Variants in ICA1L observed in about 807,000 individuals in gnomAD.
ICA1L encodes the protein islet cell autoantigen 1 like, also known as islet cell autoantigen 1-like protein.
A neutral mutation model predicts 61.3 loss-of-function variants in ICA1L; 50 were observed. The ratio of observed to expected loss-of-function variants is 0.82; its 90% confidence interval spans 0.65 to 1.03. ICA1L has a LOEUF of 1.03. Ranked by LOEUF, ICA1L falls within the 50% of genes least tolerant of loss-of-function variation. The pLI is 0.00. For synonymous variants in ICA1L, 161 were observed against 191.3 expected (o/e 0.84, Z 1.31); for missense variants, 508 against 556.7 (o/e 0.91, Z 0.88).
In ICA1L at chr2:202,819,772, G is replaced by C; in HGVS notation, c.487C>G (p.Leu163Val). ...EQARTEYRGALLWMKDVSQEL... is the reference protein window; with the variant it reads ...EQARTEYRGAVLWMKDVSQEL... ...TGGGATACATCTTTCATCCACAGTA[G>C]AGCTCCTCTGTATTCTGTGCGTGCC... is the stretch of plus-strand genomic sequence containing the variant. The change falls in exon 5 of 13, where the codon CTA becomes GTA. Residue 163 changes from leucine (L) to valine (V), a missense_variant. Leu to Val is a conservative substitution (Grantham distance 32). Coordinates refer to ENST00000358299, the MANE Select transcript of ICA1L (RefSeq NM_001288622.3). 5 of 1,614,032 alleles carry C rather than the reference G, an allele frequency of 3.1e-6. No individual in the cohort carries two copies. The highest frequency in any genetic ancestry group is 1.1e-5 in the South Asian group (1 of 91,070).
intron 3 of ICA1L, among the ~76,000 whole-genome samples, chr2:202,823,577 A>T (rs72932776): frequency 0.091 from 13,890 of 152,068 alleles, 755 homozygotes; most frequent in Non-Finnish European, 0.12. Context: ...TCTGACCCCA[A>T]ATTTCCTTTG....
intron 1 of ICA1L, among the ~76,000 whole-genome samples, chr2:202,833,136 G>A (rs530842197): frequency 9.2e-5 from 14 of 152,012 alleles, no homozygotes; most frequent in African/African-American, 3.4e-4. Context: ...GAGAAAAATG[G>A]CATATTACAC....
At chr2:202,797,696 A>G (rs553053121) in intron 9 of ICA1L, among the ~76,000 whole-genome samples, 18 of 151,916 alleles carry the variant, frequency 1.2e-4, no homozygotes, top group Non-Finnish European at 2.5e-4. Context: ...TAATTTTTAT[A>G]TTTTCAGTAG....
chr2:202,786,940 G>A (rs914775898), intron 11 of ICA1L, among the ~76,000 whole-genome samples: 2 of 152,230 alleles, frequency 1.3e-5, no homozygotes, highest in Non-Finnish European at 2.9e-5. Context: ...TTAAGGCACA[G>A]CACTAGAAAG....
At chr2:202,801,891 A>G (rs796943392) in intron 9 of ICA1L, among the ~76,000 whole-genome samples, 19 of 152,336 alleles carry the variant, frequency 1.2e-4, no homozygotes, top group African/African-American at 4.3e-4. Flanking sequence ...AAGCAGTATG[A>G]ATTTTCTTTT....
chr2:202,811,693 T>G, intron 9 of ICA1L, 53 bp downstream of exon 9: 1 of 868,492 alleles, frequency 1.2e-6, no homozygotes, highest in Non-Finnish European at 1.9e-6. Flanking sequence ...TGTGATAAAC[T>G]ATTTTGACAT....
At chr2:202,826,217 A>C (rs533287430) in intron 2 of ICA1L, among the ~76,000 whole-genome samples, 9 of 152,264 alleles carry the variant, frequency 5.9e-5, no homozygotes, top group African/African-American at 2.2e-4. Context: ...AAAATTAAAT[A>C]ATGTATTATA....
At chr2:202,813,242 A>G (rs569588832) in intron 8 of ICA1L, among the ~76,000 whole-genome samples, 5 of 150,506 alleles carry the variant, frequency 3.3e-5, no homozygotes, top group African/African-American at 9.7e-5. Flanking sequence ...CCTGGAGAAA[A>G]AGAGTGAGAC....
At chr2:202,785,869 C>A in intron 12 of ICA1L, 49 bp downstream of exon 12, 1 of 1,034,614 alleles carries the variant, frequency 9.7e-7, no homozygotes, top group Non-Finnish European at 1.5e-6. Flanking sequence ...TATCTGAATT[C>A]AACTGATTCT....
At chr2:202,779,703 T>G in intron 12 of ICA1L, 55 bp from the exon 13 acceptor site, 1 of 1,025,462 alleles carries the variant, frequency 9.8e-7, no homozygotes, top group Non-Finnish European at 1.5e-6. Context: ...AATCATGTTT[T>G]TGTACCATAT....
intron 4 of ICA1L, among the ~76,000 whole-genome samples, chr2:202,820,646 A>C (rs1475460406): frequency 6.6e-6 from 1 of 152,222 alleles, no homozygotes; most frequent in African/African-American, 2.4e-5. Context: ...TGAGGACAAG[A>C]TAACAAGTAT....
At chr2:202,866,933 C>T (rs1467429228) in intron 1 of ICA1L, among the ~76,000 whole-genome samples, 4 of 151,868 alleles carry the variant, frequency 2.6e-5, no homozygotes, top group South Asian at 4.2e-4. Flanking sequence ...GGCGAGAGCA[C>T]GAGACTCCAT....
rs1318202417 is a variant in ICA1L at position 202,777,003 on chromosome 2, T to C, written c.*2530A>G. 7.0e-6 allele frequency: 1 copy of C among 142,848 alleles called. No homozygotes were observed. The highest frequency in any genetic ancestry group is 2.2e-4 in the East Asian group (1 of 4,460). The allele number at this position is 142,848 out of a possible 1,614,324, so 8.8% of individuals were successfully genotyped here. On this transcript the variant is annotated 3_prime_UTR_variant, in exon 13 of 13. Coordinates refer to ENST00000358299, the MANE Select transcript of ICA1L (RefSeq NM_001288622.3). ...ACTAATGCATTAGCAAGGTGACCAC[T>C]ACAAAGAAAAATGGTACAAACTCTC...
intron 1 of ICA1L, chr2:202,871,172 G>T (rs1687698601): frequency 6.6e-6 from 1 of 152,236 alleles, no homozygotes; most frequent in African/African-American, 2.4e-5. Flanking sequence ...ACGTTAAAAA[G>T]AGGTCAGCAG....
chr2:202,778,416 G>C lies in ICA1L; in HGVS notation c.*1117C>G, dbSNP rs1489943285. On this transcript the variant is annotated 3_prime_UTR_variant, in exon 13 of 13. Coordinates refer to ENST00000358299, the MANE Select transcript of ICA1L (RefSeq NM_001288622.3). ...CTGTAGGGGTAACAGATTTTGCTTA[G>C]TAATCAAATAGAACCTCAGATCATG... The C allele has an allele frequency of 1.3e-5, 2 of 152,110 alleles. No individual in the cohort carries two copies. Among genetic ancestry groups the C allele is most frequent in the Non-Finnish European group, 2.9e-5 (2 of 68,016 alleles). The allele number at this position is 152,110 out of a possible 1,614,324, so 9.4% of individuals were successfully genotyped here. A position where few individuals can be genotyped will look rare whatever the true frequency, so the allele number is the denominator to read the frequency against.
At chr2:202,843,682 A>G (rs1240664218) in intron 1 of ICA1L, among the ~76,000 whole-genome samples, 1 of 152,204 alleles carries the variant, frequency 6.6e-6, no homozygotes, top group Non-Finnish European at 1.5e-5. Flanking sequence ...AGAATGCGAG[A>G]TGCAGATGCT....
intron 1 of ICA1L, among the ~76,000 whole-genome samples, chr2:202,850,878 G>C (rs1694598589): frequency 6.6e-6 from 1 of 152,092 alleles, no homozygotes; most frequent in South Asian, 2.1e-4. Flanking sequence ...AATGTTAAGG[G>C]GAGCAAGAGA....
intron 9 of ICA1L, among the ~76,000 whole-genome samples, chr2:202,800,455 A>G (rs943690866): frequency 6.6e-6 from 1 of 152,222 alleles, no homozygotes; most frequent in Non-Finnish European, 1.5e-5. Flanking sequence ...TATCAAGACA[A>G]AAATAATTGT....
intron 1 of ICA1L, among the ~76,000 whole-genome samples, chr2:202,868,208 T>C (rs1254431492): frequency 6.6e-6 from 1 of 152,116 alleles, no homozygotes; most frequent in Non-Finnish European, 1.5e-5. Context: ...ATTATCTGAA[T>C]TTCCCCTCAA....
Sources: allele counts gnomAD v4.1 joint callset (sites outside exome capture counted in the v4.1 genomes callset), GRCh38; gene constraint gnomAD v4.1.1; transcripts MANE v1.5; gene names NCBI Gene and HGNC (gene_info 2026-07-23, HGNC 2026-07-21).